Variants in PCDH15 observed in about 807,000 individuals in gnomAD.
PCDH15 encodes protocadherin related 15.
In PCDH15, 129 loss-of-function variants were observed where a neutral mutation model predicts 178.5. The observed-to-expected ratio is 0.72, with a 90% confidence interval of 0.63 to 0.84. The LOEUF (loss-of-function observed/expected upper bound fraction) is 0.84, where lower values mean the gene tolerates loss of function less well. Ranked by LOEUF, PCDH15 falls within the 40% of genes least tolerant of loss-of-function variation. The pLI, the probability that PCDH15 is intolerant of heterozygous loss-of-function variation, is 0.00. For missense variants in PCDH15, 2,230 were observed against 2,099.9 expected (o/e 1.06, Z -1.21); for synonymous variants, 800 against 732.0 (o/e 1.09, Z -1.50).
intron 1 of PCDH15, among the ~76,000 whole-genome samples, chr10:55,299,413 C>T (rs1183173683): frequency 1.3e-5 from 2 of 152,134 alleles, no homozygotes; most frequent in East Asian, 1.9e-4. Context: ...CCACATCTTA[C>T]GTTATAAGCC....
chr10:54,425,713 A>T (rs1956194409), intron 3 of PCDH15, among the ~76,000 whole-genome samples: 1 of 152,166 alleles, frequency 6.6e-6, no homozygotes. Context: ...GCATTGTGAT[A>T]AAGCAGAGAG....
chr10:54,730,813 T>C (rs551372927), intron 1 of PCDH15, among the ~76,000 whole-genome samples: 18 of 151,600 alleles, frequency 1.2e-4, no homozygotes, highest in East Asian at 3.9e-4. Context: ...GAAGAAAATA[T>C]TGAAAAAATA....
chr10:55,321,731 C>G (rs1843907339), upstream of PCDH15, among the ~76,000 whole-genome samples: 1 of 152,050 alleles, frequency 6.6e-6, no homozygotes, highest in South Asian at 2.1e-4. Context: ...AAATTCCAAC[C>G]AAGAATTTCA....
At chr10:54,355,029 A>T (rs1417995390) in intron 5 of PCDH15, among the ~76,000 whole-genome samples, 1 of 150,570 alleles carries the variant, frequency 6.6e-6, no homozygotes, top group African/African-American at 2.4e-5. Context: ...GCCTGTTTAT[A>T]AGTGTATCTC....
chr10:55,390,645 T>G (rs562755517), intron 2 of PCDH15, among the ~76,000 whole-genome samples: 1 of 152,316 alleles, frequency 6.6e-6, no homozygotes, highest in South Asian at 2.1e-4. Flanking sequence ...GCTACAGCAT[T>G]ATAAAATGCA....
At chr10:54,358,732 T>G (rs1056882759) in intron 5 of PCDH15, among the ~76,000 whole-genome samples, 15 of 152,080 alleles carry the variant, frequency 9.9e-5, no homozygotes, top group Non-Finnish European at 1.9e-4. Context: ...TGCAGCACTA[T>G]TCACAATAGC....
At chr10:54,890,856 A>C (rs933950909) in intron 3 of PCDH15, among the ~76,000 whole-genome samples, 3 of 152,048 alleles carry the variant, frequency 2.0e-5, no homozygotes, top group African/African-American at 7.2e-5. Context: ...TCTAGACCTA[A>C]AGTTGTCCTC....
chr10:55,294,633 A>G (rs1588887513), intron 1 of PCDH15, among the ~76,000 whole-genome samples: 1 of 152,178 alleles, frequency 6.6e-6, no homozygotes, highest in Non-Finnish European at 1.5e-5. Context: ...GTTCATATTA[A>G]TCTGTAACCA....
chr10:54,971,802 T>A (rs1195050300), intron 2 of PCDH15, among the ~76,000 whole-genome samples: 1 of 152,208 alleles, frequency 6.6e-6, no homozygotes, highest in Non-Finnish European at 1.5e-5. Context: ...AACTAAATAT[T>A]CCCATACGTA....
intron 1 of PCDH15, among the ~76,000 whole-genome samples, chr10:54,677,208 C>G (rs955334470): frequency 6.6e-6 from 1 of 151,934 alleles, no homozygotes. Flanking sequence ...CCAGTCTCTG[C>G]AGAATAGACA....
intron 2 of PCDH15, among the ~76,000 whole-genome samples, chr10:55,568,098 A>G (rs1461107333): frequency 1.3e-5 from 2 of 151,914 alleles, no homozygotes; most frequent in African/African-American, 2.4e-5. Flanking sequence ...TTAAATATGT[A>G]TTTTATACCC....
At chr10:54,403,189 C>A (rs1279677691) in intron 3 of PCDH15, among the ~76,000 whole-genome samples, 1 of 152,024 alleles carries the variant, frequency 6.6e-6, no homozygotes, top group Admixed American at 6.6e-5. Flanking sequence ...AAAACAAAAT[C>A]CAGAGCAAGG....
chr10:54,982,780 A>G (rs1466025230), intron 2 of PCDH15, among the ~76,000 whole-genome samples: 1 of 152,172 alleles, frequency 6.6e-6, no homozygotes, highest in East Asian at 1.9e-4. Flanking sequence ...TTAACCTAGC[A>G]ATTTTACTGC....
chr10:54,314,809 T>C (rs2061140078), intron 8 of PCDH15, among the ~76,000 whole-genome samples: 1 of 152,174 alleles, frequency 6.6e-6, no homozygotes, highest in African/African-American at 2.4e-5. Context: ...GTTCCTGTGT[T>C]AGTTTGCTAA....
intron 1 of PCDH15, among the ~76,000 whole-genome samples, chr10:55,252,266 G>C (rs1564933744): frequency 6.6e-6 from 1 of 152,028 alleles, no homozygotes; most frequent in Non-Finnish European, 1.5e-5. Context: ...TCGGGCAACA[G>C]ATTACACCCT....
chr10:54,828,380 T>A (rs2133748388), intron 3 of PCDH15, among the ~76,000 whole-genome samples: 1 of 152,072 alleles, frequency 6.6e-6, no homozygotes, highest in East Asian at 1.9e-4. Context: ...GCTTTTTTAT[T>A]GTAATTCAAT....
chr10:54,945,304 G>C (rs1317157865), intron 2 of PCDH15, among the ~76,000 whole-genome samples: 1 of 150,856 alleles, frequency 6.6e-6, no homozygotes, highest in Non-Finnish European at 1.5e-5. Context: ...TAAGAGATAG[G>C]TGCAGATAGA....
intron 1 of PCDH15, among the ~76,000 whole-genome samples, chr10:54,752,476 C>CAAA (rs755874514): frequency 1.1e-5 from 1 of 89,708 alleles, no homozygotes; most frequent in Non-Finnish European, 2.5e-5. Flanking sequence ...GACTCCGTCT[C>CAAA]AAAAAAAAAA....
At chr10:54,740,423 G>A (rs1288227906) in intron 1 of PCDH15, among the ~76,000 whole-genome samples, 1 of 151,806 alleles carries the variant, frequency 6.6e-6, no homozygotes, top group South Asian at 2.1e-4. Flanking sequence ...TACATTCTTG[G>A]TGGGAATGTA....
Sources: allele counts gnomAD v4.1 joint callset (sites outside exome capture counted in the v4.1 genomes callset), GRCh38; gene constraint gnomAD v4.1.1; transcripts MANE v1.5; gene names NCBI Gene and HGNC (gene_info 2026-07-23, HGNC 2026-07-21).